Variants in SLCO5A1 observed in about 807,000 individuals in gnomAD.
SLCO5A1 encodes the protein organic anion transporter polypeptide-related protein 4.
In SLCO5A1, 39 loss-of-function variants were observed where a neutral mutation model predicts 65.1. The observed-to-expected ratio is 0.60, with a 90% confidence interval of 0.46 to 0.78. The LOEUF is 0.78. Ranked by LOEUF, SLCO5A1 falls within the 30% of genes least tolerant of loss-of-function variation. The pLI is 0.00. For missense variants in SLCO5A1, 1,029 were observed against 1,069.4 expected, an observed-to-expected ratio of 0.96 and a Z score of 0.53; for synonymous variants, 438 against 415.7, an observed-to-expected ratio of 1.05 and a Z score of -0.65.
chr8:69,766,189 G>A (rs537301450), intron 2 of SLCO5A1, among the ~76,000 whole-genome samples: 1 of 152,058 alleles, frequency 6.6e-6, no homozygotes, highest in Non-Finnish European at 1.5e-5. Flanking sequence ...CTTCCAGCTG[G>A]TCTCCTGGCT....
At chr8:69,789,132 G>A (rs544420203) in intron 2 of SLCO5A1, among the ~76,000 whole-genome samples, 51 of 152,180 alleles carry the variant, frequency 3.4e-4, no homozygotes, top group South Asian at 6.2e-4. Context: ...CAGTAAAACC[G>A]ACCCAGGACA....
chr8:69,673,290 A>G lies in SLCO5A1; in HGVS notation c.2126T>C (p.Ile709Thr), dbSNP rs1192728173. Residue 709 changes from isoleucine (I) to threonine (T), a missense_variant, in exon 10 of 10, where the codon ATT becomes ACT. By Grantham distance (89) the Ile-to-Thr change is moderately conservative. This residue lies in a region of SLCO5A1 where 258 missense variants were observed against 237.4 expected (regional missense o/e 1.09). Transcript: ENST00000260126. ...TTGCCAGAGCATGCAGGTGGTGTCAATGACTGCTCCAAAGTAGATTGGAGT... is the reference window on the plus strand; with the variant it reads ...TTGCCAGAGCATGCAGGTGGTGTCAGTGACTGCTCCAAAGTAGATTGGAGT... ...IPTPIYFGAV[I>T]DTTCMLWQQE... is the part of the protein sequence containing the mutation. 1.9e-6 allele frequency: 3 copies of G among 1,614,198 alleles called. No homozygotes were observed. Among genetic ancestry groups the G allele is most frequent in the Admixed American group, 3.3e-5 (2 of 60,022 alleles).
At chr8:69,688,374 T>C (rs1021789053) in intron 6 of SLCO5A1, among the ~76,000 whole-genome samples, 2 of 152,120 alleles carry the variant, frequency 1.3e-5, no homozygotes, top group African/African-American at 4.8e-5. Flanking sequence ...TTAGGGTACA[T>C]GTGCACAATG....
intron 6 of SLCO5A1, among the ~76,000 whole-genome samples, chr8:69,685,573 C>G (rs1045330216): frequency 1.3e-5 from 2 of 152,112 alleles, no homozygotes; most frequent in Admixed American, 6.6e-5. Flanking sequence ...CACGGGGCCT[C>G]GATAGCAATA....
chr8:69,760,079 T>C (rs1817700787), intron 3 of SLCO5A1, among the ~76,000 whole-genome samples: 1 of 152,248 alleles, frequency 6.6e-6, no homozygotes, highest in South Asian at 2.1e-4. Flanking sequence ...CTCCCCATCT[T>C]TCCCTCCAGA....
intron 6 of SLCO5A1, among the ~76,000 whole-genome samples, chr8:69,688,923 A>G (rs557573854): frequency 6.6e-6 from 1 of 152,254 alleles, no homozygotes; most frequent in East Asian, 1.9e-4. Flanking sequence ...ACTGACTTCC[A>G]CCATGGTTGA....
intron 4 of SLCO5A1, among the ~76,000 whole-genome samples, chr8:69,754,880 A>G (rs544354011): frequency 2.6e-5 from 4 of 152,190 alleles, no homozygotes; most frequent in Non-Finnish European, 4.4e-5. Context: ...ACATGCAAGC[A>G]TTTGACAGAG....
chr8:69,822,546 A>G (rs553599169), intron 2 of SLCO5A1, among the ~76,000 whole-genome samples: 9 of 152,192 alleles, frequency 5.9e-5, no homozygotes, highest in African/African-American at 2.2e-4. Context: ...TCTTTTTTCC[A>G]ATTTTAGAAT....
intron 5 of SLCO5A1, among the ~76,000 whole-genome samples, chr8:69,721,610 CT>C (rs1262548716): frequency 6.6e-6 from 1 of 152,104 alleles, no homozygotes; most frequent in Non-Finnish European, 1.5e-5. Context: ...TTTGTGAGAT[CT>C]TTTCAGTCAT....
intron 2 of SLCO5A1, among the ~76,000 whole-genome samples, chr8:69,820,698 G>A (rs1318654791): frequency 1.3e-5 from 2 of 151,338 alleles, no homozygotes; most frequent in East Asian, 1.9e-4. Context: ...AATTAATAAA[G>A]TTTAAAAAAA....
intron 3 of SLCO5A1, among the ~76,000 whole-genome samples, chr8:69,760,150 GA>G (rs1817705092): frequency 6.6e-6 from 1 of 152,134 alleles, no homozygotes; most frequent in Admixed American, 6.6e-5. Flanking sequence ...ACATATGCTG[GA>G]TGTTCATAAA....
At chr8:69,732,243 C>T (rs907352157) in intron 5 of SLCO5A1, among the ~76,000 whole-genome samples, 3 of 152,156 alleles carry the variant, frequency 2.0e-5, no homozygotes, top group Non-Finnish European at 4.4e-5. Flanking sequence ...TTAAAAATTA[C>T]ACCCCAACCT....
rs1821165113 is a variant in SLCO5A1 at position 69,831,864 on chromosome 8, C to T, written c.810G>A (p.Ala270=). ...TGGAGCCCATTCCAATGAGAATCTG[C>T]GCGCAAATGAATAAAGCCACGTAGA... ...HWVYVALFIC[A]QILIGMGSTP... Residue 270 remains alanine, a synonymous_variant, in exon 2 of 10, where the codon GCG becomes GCA. Coordinates refer to ENST00000260126, the MANE Select transcript of SLCO5A1 (RefSeq NM_030958.3). 2 of 1,613,536 alleles carry T rather than the reference C, an allele frequency of 1.2e-6. No homozygotes were observed. Among genetic ancestry groups the T allele is most frequent in the South Asian group, 2.2e-5 (2 of 90,962 alleles).
At chr8:69,739,464 C>G (rs1017921246) in intron 4 of SLCO5A1, among the ~76,000 whole-genome samples, 1 of 152,018 alleles carries the variant, frequency 6.6e-6, no homozygotes, top group Non-Finnish European at 1.5e-5. Context: ...CTTTATGTAT[C>G]TTCATAGAAA....
intron 6 of SLCO5A1, among the ~76,000 whole-genome samples, chr8:69,703,110 CAAA>C (rs34113730): frequency 9.7e-5 from 8 of 82,828 alleles, no homozygotes; most frequent in Non-Finnish European, 1.7e-4. Flanking sequence ...GACTCTGTTT[CAAA>C]AAAAAAAAAA....
intron 2 of SLCO5A1, among the ~76,000 whole-genome samples, chr8:69,804,686 C>T (rs1819914526): frequency 1.3e-5 from 2 of 152,106 alleles, no homozygotes; most frequent in African/African-American, 4.8e-5. Context: ...CCTTTTTCAG[C>T]ATGCCAAGGA....
chr8:69,691,233 G>A (rs951096942), intron 6 of SLCO5A1, among the ~76,000 whole-genome samples: 2 of 152,136 alleles, frequency 1.3e-5, no homozygotes, highest in African/African-American at 4.8e-5. Flanking sequence ...TGCTGGGAAT[G>A]TAATTATGTG....
intron 5 of SLCO5A1, among the ~76,000 whole-genome samples, chr8:69,725,950 G>A (rs1309351248): frequency 6.6e-6 from 1 of 152,176 alleles, no homozygotes; most frequent in Non-Finnish European, 1.5e-5. Flanking sequence ...TAAGGCTCTC[G>A]AGGGGATCTG....
chr8:69,691,457 T>C (rs143898945), intron 6 of SLCO5A1, among the ~76,000 whole-genome samples: 1 of 152,230 alleles, frequency 6.6e-6, no homozygotes, highest in Non-Finnish European at 1.5e-5. Flanking sequence ...TTATTCATCT[T>C]GCTTGATTAA....
Sources: gnomAD v4.1 joint callset for allele counts (sites outside exome capture counted in the v4.1 genomes callset) on GRCh38, gnomAD v4.1.1 for gene constraint, gnomAD v4.1.1 regional missense constraint, MANE v1.5 for transcripts, NCBI Gene and HGNC (gene_info 2026-07-23, HGNC 2026-07-21) for gene names.